The following DPYD variants were observed in gnomAD, a reference collection of about 807,000 sequenced individuals.
DPYD encodes dihydropyrimidine dehydrogenase [NADP(+)].
DPYD carries 109 observed loss-of-function variants against 116.2 expected under a neutral mutation model. The ratio of observed to expected loss-of-function variants is 0.94; its 90% CI spans 0.80 to 1.10. The LOEUF (loss-of-function observed/expected upper bound fraction) is 1.10, where lower values mean the gene tolerates loss of function less well. DPYD is among the 50% of genes least tolerant of loss of function. The probability of loss-of-function intolerance (pLI) is 0.00; values close to 1 mark genes in which losing one functional copy is unlikely to be tolerated. For missense variants in DPYD, 1,302 were observed against 1,254.5 expected, an observed-to-expected ratio of 1.04 and a Z score of -0.57; for synonymous variants, 440 against 432.0, an observed-to-expected ratio of 1.02 and a Z score of -0.23.
chr1:97,523,250 C>T (rs1407139587), intron 12 of DPYD, among the ~76,000 whole-genome samples: 17 of 152,118 alleles, frequency 1.1e-4, no homozygotes, highest in Non-Finnish European at 1.9e-4. Flanking sequence ...AAAGAGCAAC[C>T]TTTCCTTTTT....
intron 19 of DPYD, among the ~76,000 whole-genome samples, chr1:97,208,716 T>C (rs756690126): frequency 2.0e-5 from 3 of 152,190 alleles, no homozygotes; most frequent in Non-Finnish European, 4.4e-5. Flanking sequence ...TCTTTTCACA[T>C]TCAATTATCA....
chr1:97,800,387 G>C (rs13376217), intron 3 of DPYD, among the ~76,000 whole-genome samples: 1 of 151,726 alleles, frequency 6.6e-6, no homozygotes, highest in African/African-American at 2.4e-5. Flanking sequence ...AATATCCTAA[G>C]TCTAGATGAA....
chr1:97,481,648 CTATTA>C (rs558470009), intron 13 of DPYD, among the ~76,000 whole-genome samples: 177 of 152,098 alleles, frequency 1.2e-3, no homozygotes, highest in African/African-American at 4.2e-3. Context: ...GTTTTACATT[CTATTA>C]TGAGATAATA....
intron 20 of DPYD, among the ~76,000 whole-genome samples, chr1:97,113,574 G>C (rs1364555125): frequency 3.9e-5 from 6 of 152,054 alleles, no homozygotes; most frequent in Non-Finnish European, 8.8e-5. Context: ...ATTTCATTTT[G>C]TGGAACGTCT....
intron 19 of DPYD, among the ~76,000 whole-genome samples, chr1:97,212,121 A>G (rs1351147049): frequency 1.1e-5 from 1 of 87,338 alleles, no homozygotes; most frequent in African/African-American, 4.3e-5. Context: ...CAAGGCAATG[A>G]TATTTTTGTA....
chr1:97,709,641 T>C (rs1662172331), intron 5 of DPYD, among the ~76,000 whole-genome samples: 1 of 151,902 alleles, frequency 6.6e-6, no homozygotes, highest in African/African-American at 2.4e-5. Flanking sequence ...AAGATTGCAA[T>C]GCAGAGAGGA....
chr1:97,125,775 T>C (rs1216284878), intron 20 of DPYD, among the ~76,000 whole-genome samples: 2 of 152,064 alleles, frequency 1.3e-5, no homozygotes, highest in Non-Finnish European at 2.9e-5. Flanking sequence ...AAGATGGCTG[T>C]TTAGGAACCA....
At chr1:97,192,932 A>T in intron 20 of DPYD, 137 bp downstream of exon 20, 1 of 940,782 alleles carries the variant, frequency 1.1e-6, no homozygotes, top group East Asian at 2.5e-5. Context: ...TCTCCTTCAG[A>T]AAGAGTCCAC....
chr1:97,776,540 T>C (rs7546038), intron 3 of DPYD, among the ~76,000 whole-genome samples: 3,901 of 152,272 alleles, frequency 0.026, 176 homozygotes, highest in African/African-American at 0.09. Context: ...GTCTTATGAT[T>C]GGATTATTTT....
intron 14 of DPYD, among the ~76,000 whole-genome samples, chr1:97,383,788 T>G (rs534719947): frequency 1.3e-5 from 2 of 152,062 alleles, no homozygotes; most frequent in Admixed American, 1.3e-4. Flanking sequence ...CGTAAGTAAT[T>G]ATTTCCTACC....
intron 10 of DPYD, among the ~76,000 whole-genome samples, chr1:97,583,863 G>C (rs139026904): frequency 2.0e-5 from 3 of 151,968 alleles, no homozygotes; most frequent in Non-Finnish European, 2.9e-5. Flanking sequence ...GAATAGTGCC[G>C]CAATAAACAT....
At chr1:97,443,530 C>T (rs937744554) in intron 14 of DPYD, among the ~76,000 whole-genome samples, 1 of 152,154 alleles carries the variant, frequency 6.6e-6, no homozygotes, top group Non-Finnish European at 1.5e-5. Context: ...GAAACAAGGA[C>T]TTGACAAGCT....
At chr1:97,684,269 T>C (rs1660589864) in intron 7 of DPYD, among the ~76,000 whole-genome samples, 1 of 152,140 alleles carries the variant, frequency 6.6e-6, no homozygotes, top group African/African-American at 2.4e-5. Context: ...ACTTCCTGAG[T>C]TCTGCCTTAA....
At chr1:97,298,277 T>C (rs944964161) in intron 18 of DPYD, among the ~76,000 whole-genome samples, 1 of 152,098 alleles carries the variant, frequency 6.6e-6, no homozygotes, top group Non-Finnish European at 1.5e-5. Flanking sequence ...TACATTCTGA[T>C]ACATAAGGCC....
chr1:97,347,584 C>A (rs1182155059), intron 16 of DPYD, among the ~76,000 whole-genome samples: 1 of 151,938 alleles, frequency 6.6e-6, no homozygotes, highest in East Asian at 1.9e-4. Context: ...GTGAGACTGA[C>A]CTATAATTTC....
intron 6 of DPYD, among the ~76,000 whole-genome samples, chr1:97,694,433 GGATGA>G (rs1661188511): frequency 6.6e-6 from 1 of 152,164 alleles, no homozygotes; most frequent in Non-Finnish European, 1.5e-5. Flanking sequence ...GCTTATTGTG[GGATGA>G]GATAAGTGGG....
chr1:97,516,567 C>A (rs1383303348), intron 12 of DPYD, among the ~76,000 whole-genome samples: 2 of 151,888 alleles, frequency 1.3e-5, no homozygotes, highest in African/African-American at 2.4e-5. Flanking sequence ...TTTCTGAAAC[C>A]AAATAGGTCC....
At chr1:97,262,752 G>C (rs960854543) in intron 18 of DPYD, among the ~76,000 whole-genome samples, 3 of 151,744 alleles carry the variant, frequency 2.0e-5, no homozygotes, top group South Asian at 2.1e-4. Context: ...TTTTCTGATA[G>C]AGAAGATAAT....
At chr1:97,320,632 C>A (rs1172666794) in intron 16 of DPYD, among the ~76,000 whole-genome samples, 1 of 83,694 alleles carries the variant, frequency 1.2e-5, no homozygotes, top group African/African-American at 4.7e-5. Context: ...TAGGAAGAGT[C>A]AATATCGTGA....
Sources: gnomAD v4.1 joint callset for allele counts (sites outside exome capture counted in the v4.1 genomes callset) on GRCh38, gnomAD v4.1.1 for gene constraint, MANE v1.5 for transcripts, NCBI Gene and HGNC (gene_info 2026-07-23, HGNC 2026-07-21) for gene names.